TSFM: variants seen among roughly 807,000 people sequenced by gnomAD.
TSFM encodes the protein elongation factor Ts, mitochondrial.
Under a neutral mutation model 33.4 loss-of-function variants are expected in TSFM, and 29 were observed. The observed-to-expected ratio is 0.87, with a 90% CI of 0.65 to 1.18. The LOEUF (loss-of-function observed/expected upper bound fraction) is 1.18, where lower values mean the gene tolerates loss of function less well. Ranked by LOEUF, TSFM falls within the 50% of genes most tolerant of loss-of-function variation. The pLI is 0.00. For missense variants in TSFM, 394 were observed against 395.6 expected (o/e 1.00, Z 0.04); for synonymous variants, 178 against 163.5 (o/e 1.09, Z -0.68).
intron 5 of TSFM, among the ~76,000 whole-genome samples, chr12:57,794,909 G>A (rs777402948): frequency 1.3e-5 from 2 of 151,706 alleles, no homozygotes; most frequent in African/African-American, 2.4e-5. Context: ...GTAGGTGCCC[G>A]CCAGCACGCC....
chr12:57,802,123 G>T, downstream of TSFM: 1 of 1,606,594 alleles, frequency 6.2e-7, no homozygotes, highest in Non-Finnish European at 8.5e-7. Flanking sequence ...TGAGCTACCT[G>T]GCAGGAAGTT....
chr12:57,802,218 C>A (rs751789371), downstream of TSFM: 4 of 1,613,960 alleles, frequency 2.5e-6, no homozygotes, highest in African/African-American at 4.0e-5. Context: ...AGGCTCAAAC[C>A]CCTGCTTAAT....
At chr12:57,801,155 G>A (rs780595972), downstream of TSFM, 17 of 1,613,412 alleles carry the variant, frequency 1.1e-5, no homozygotes, top group Admixed American at 1.7e-4. Context: ...GCAGTGATTC[G>A]CATGATAGCA....
In TSFM at chr12:57,797,149, C is replaced by T; in HGVS notation, c.*566C>T. 1 of 985,346 alleles carries T rather than the reference C, an allele frequency of 1.0e-6. No individual in the cohort carries two copies. Among genetic ancestry groups the T allele is most frequent in the Non-Finnish European group, 1.2e-6 (1 of 829,940 alleles). 61.0% of individuals were successfully genotyped at this position (985,346 alleles called of 1,614,324 possible). On this transcript the variant is annotated 3_prime_UTR_variant, in exon 6 of 6. Transcript: ENST00000652027. ...TTTAATGAAATTAATAACACATGCCCCTATTTCTCTTTTGGATGATGTGTG... is the reference window on the plus strand; with the variant it reads ...TTTAATGAAATTAATAACACATGCCTCTATTTCTCTTTTGGATGATGTGTG...
At position 57,796,836 on chromosome 12, in the gene TSFM, C is replaced by T. The variant is rs1955747667; in HGVS notation, c.*253C>T. 8.8e-7 allele frequency: 1 copy of T among 1,137,570 alleles called. No homozygotes were observed. The highest frequency in any genetic ancestry group is 1.1e-6 in the Non-Finnish European group (1 of 930,176). The allele number at this position is 1,137,570 out of a possible 1,614,324, so 70.5% of individuals were successfully genotyped here. On this transcript the variant is annotated 3_prime_UTR_variant, in exon 6 of 6. Transcript: ENST00000652027. ...ACAGGCATCAACAATACTGCTGCTC[C>T]CTTCAACATAGATTTATTATGGTAT... is the stretch of plus-strand genomic sequence containing the variant.
chr12:57,796,049 C>G, intron 5 of TSFM, 128 bp from the exon 6 acceptor site: 2 of 801,450 alleles, frequency 2.5e-6, no homozygotes, highest in Non-Finnish European at 3.8e-6. Context: ...ATCTCTTCAT[C>G]TTACTGCATA....
downstream of TSFM, chr12:57,800,113 GGTT>G (rs1955817634): frequency 5.5e-6 from 4 of 726,690 alleles, no homozygotes; most frequent in Non-Finnish European, 8.5e-6. Context: ...CAGATTTTGG[GGTT>G]GTTCTTGGGA....
intron 5 of TSFM, among the ~76,000 whole-genome samples, chr12:57,793,690 A>C (rs1450257469): frequency 6.6e-6 from 1 of 152,192 alleles, no homozygotes; most frequent in East Asian, 1.9e-4. Context: ...GCTGTTTGCA[A>C]CTAATTAAAA....
At position 57,796,182 on chromosome 12, in the gene TSFM, C is replaced by A; in HGVS notation, c.577C>A (p.Leu193Met). 1 of 1,571,068 alleles carries A rather than the reference C, an allele frequency of 6.4e-7. No homozygotes were observed. ...TTTTGTTTTTGCTTTAATAGGAAAA[C>A]TGGGAGAAAACATGATTCTTAAACG... The part of the protein sequence containing the change: ...KDQLALAIGK[L>M]GENMILKRAA... The change falls in exon 6 of 6, where the codon CTG (leucine) becomes ATG (methionine). Residue 193 changes from leucine (L) to methionine (M), a missense_variant. Leu to Met is a conservative substitution (Grantham distance 15). Transcript: ENST00000652027.
chr12:57,797,763 C>A (rs1235853062), downstream of TSFM: 3 of 840,868 alleles, frequency 3.6e-6, no homozygotes, highest in Non-Finnish European at 5.1e-6. Flanking sequence ...TTTGCAGACT[C>A]TATTATATCT....
chr12:57,792,636 C>A (rs960480576), intron 4 of TSFM, among the ~76,000 whole-genome samples: 1 of 151,732 alleles, frequency 6.6e-6, no homozygotes, highest in Non-Finnish European at 1.5e-5. Flanking sequence ...TCTGTTTCCC[C>A]GGCTGGAGTG....
At chr12:57,802,361 A>G, downstream of TSFM, 9 of 1,599,442 alleles carry the variant, frequency 5.6e-6, no homozygotes, top group Non-Finnish European at 7.7e-6. Flanking sequence ...GTTAAGGTGG[A>G]GATTTAATAT....
intron 2 of TSFM, chr12:57,783,746 A>G (rs1955548405): frequency 3.5e-6 from 2 of 576,186 alleles, no homozygotes; most frequent in Non-Finnish European, 6.1e-6. Context: ...GGCGTGCGCC[A>G]CGACACCCGG....
At chr12:57,800,115 T>C (rs1203585558), downstream of TSFM, 2 of 730,892 alleles carry the variant, frequency 2.7e-6, no homozygotes, top group African/African-American at 1.8e-5. Flanking sequence ...GATTTTGGGG[T>C]TGTTCTTGGG....
At chr12:57,791,330 T>C (rs575505527) in intron 4 of TSFM, among the ~76,000 whole-genome samples, 1 of 152,160 alleles carries the variant, frequency 6.6e-6, no homozygotes, top group Non-Finnish European at 1.5e-5. Context: ...AATTTTATTT[T>C]TGAATACATA....
chr12:57,787,303 C>G (rs1304930544), intron 4 of TSFM, 141 bp downstream of exon 4: 1 of 888,850 alleles, frequency 1.1e-6, no homozygotes, highest in African/African-American at 1.7e-5. Context: ...TAGAATTACC[C>G]TTCCCCCGTT....
At chr12:57,801,056 T>G (rs2140437517), downstream of TSFM, 1 of 1,101,816 alleles carries the variant, frequency 9.1e-7, no homozygotes, top group South Asian at 1.3e-5. Flanking sequence ...GGACATGAGT[T>G]TTGCCTGTGA....
chr12:57,783,580 ACTGT>A, intron 2 of TSFM: 1 of 623,070 alleles, frequency 1.6e-6, no homozygotes, highest in Non-Finnish European at 3.0e-6. Flanking sequence ...GGGCCCCCAC[ACTGT>A]CTGACTTTAG....
downstream of TSFM, chr12:57,802,076 G>T: frequency 6.8e-7 from 1 of 1,463,426 alleles, no homozygotes; most frequent in South Asian, 1.3e-5. Context: ...ACTGAGCCGT[G>T]AATCAGTACT....
Sources: allele counts gnomAD v4.1 joint callset (sites outside exome capture counted in the v4.1 genomes callset), GRCh38; gene constraint gnomAD v4.1.1; transcripts MANE v1.5; gene names NCBI Gene and HGNC (gene_info 2026-07-23, HGNC 2026-07-21).